VPS54: variants seen among roughly 807,000 people sequenced by gnomAD.
The protein encoded by VPS54 is vacuolar protein sorting-associated protein 54.
In VPS54, 45 loss-of-function variants were observed where a neutral mutation model predicts 121.5. The ratio of observed to expected loss-of-function variants is 0.37; its 90% CI spans 0.29 to 0.47. The LOEUF is 0.47. Among genes scored for constraint, VPS54 ranks in the 20% least tolerant of loss-of-function variants. VPS54 has a pLI of 0.99. For synonymous variants in VPS54, 371 were observed against 385.8 expected, an observed-to-expected ratio of 0.96 and a Z score of 0.45; for missense variants, 1,090 against 1,131.4, an observed-to-expected ratio of 0.96 and a Z score of 0.52.
At chr2:63,925,751 T>G (rs1673868551) in intron 12 of VPS54, among the ~76,000 whole-genome samples, 1 of 152,196 alleles carries the variant, frequency 6.6e-6, no homozygotes, top group Admixed American at 6.5e-5. Context: ...AGCAAATATA[T>G]TATTCCATTA....
Position 63,912,441 on chromosome 2 carries a change from A to G in VPS54, c.2545-16T>C. 9.3e-6 allele frequency: 15 copies of G among 1,611,998 alleles called. No individual in the cohort carries two copies. The highest frequency in any genetic ancestry group is 1.2e-5 in the Non-Finnish European group (14 of 1,178,904). On this transcript the variant is annotated splice_polypyrimidine_tract_variant and intron_variant, in intron 19 of 22. Transcript: ENST00000272322. ...CATGGTAGTCCTGCAATGAGAAATG[A>G]TAATTGTATTTTTAAGTCCCTGGGA...
intron 1 of VPS54, among the ~76,000 whole-genome samples, chr2:64,000,509 T>C (rs1411600432): frequency 6.6e-6 from 1 of 152,234 alleles, no homozygotes; most frequent in Admixed American, 6.5e-5. Context: ...TGTCTGGACT[T>C]ATCTGTACCT....
intron 1 of VPS54, among the ~76,000 whole-genome samples, chr2:63,993,107 A>G (rs1261366842): frequency 6.6e-6 from 1 of 152,206 alleles, no homozygotes; most frequent in Admixed American, 6.5e-5. Flanking sequence ...TGGATTACAC[A>G]TCGCTCAGGA....
At chr2:63,923,080 G>C (rs759902254) in intron 12 of VPS54, among the ~76,000 whole-genome samples, 1 of 152,056 alleles carries the variant, frequency 6.6e-6, no homozygotes, top group African/African-American at 2.4e-5. Context: ...TTGGAAGGCC[G>C]AGGCGGGCAG....
At chr2:63,977,228 C>A (rs1450434695) in intron 3 of VPS54, among the ~76,000 whole-genome samples, 2 of 152,180 alleles carry the variant, frequency 1.3e-5, no homozygotes, top group Non-Finnish European at 2.9e-5. Flanking sequence ...TTGCTATTGT[C>A]AATTTCCCTG....
intron 11 of VPS54, among the ~76,000 whole-genome samples, chr2:63,940,952 A>T (rs1559008340): frequency 1.3e-5 from 2 of 152,202 alleles, no homozygotes; most frequent in Non-Finnish European, 2.9e-5. Context: ...AGCACAGTGA[A>T]TCCCACTCTA....
chr2:63,954,425 T>G (rs544209346), intron 7 of VPS54, among the ~76,000 whole-genome samples: 2 of 152,268 alleles, frequency 1.3e-5, no homozygotes, highest in South Asian at 4.1e-4. Context: ...CAATTCGTTA[T>G]TTTGAAAACA....
chr2:63,899,392 CA>C, intron 21 of VPS54, 81 bp downstream of exon 21: 2 of 1,205,854 alleles, frequency 1.7e-6, no homozygotes. Flanking sequence ...GCTTAACTGC[CA>C]AAAGCATGTA....
chr2:63,954,787 T>C (rs1307339719), intron 7 of VPS54, among the ~76,000 whole-genome samples: 3 of 151,936 alleles, frequency 2.0e-5, no homozygotes, highest in Non-Finnish European at 2.9e-5. Context: ...GGTGAAAAAA[T>C]AACATGCTAA....
rs546346318 is a variant in VPS54 at position 63,985,317 on chromosome 2, T to TCAAA, written c.-20-1302_-20-1299dup. On this transcript the variant is annotated intron_variant, in intron 1 of 22. Coordinates refer to ENST00000272322, the MANE Select transcript of VPS54 (RefSeq NM_016516.3). The stretch of plus-strand genomic sequence containing the variant: ...CTGGGCAACATGGTGAGACCCCGTC[T>TCAAA]CAAACAAACAAACAATAAATAAAAA... Among the ~76,000 whole-genome samples the TCAAA allele has an allele frequency of 4.3e-3, 649 of 152,066 alleles. 8 individuals carry two copies. Among genetic ancestry groups the TCAAA allele is most frequent in the South Asian group, 0.021 (100 of 4,814 alleles).
chr2:63,905,578 C>T (rs559025803), intron 20 of VPS54, among the ~76,000 whole-genome samples: 13 of 151,524 alleles, frequency 8.6e-5, no homozygotes, highest in East Asian at 3.9e-4. Flanking sequence ...AATGGCTTTA[C>T]GGGTAAATTC....
chr2:63,995,767 G>A (rs1403985427), intron 1 of VPS54, among the ~76,000 whole-genome samples: 1 of 152,214 alleles, frequency 6.6e-6, no homozygotes, highest in Non-Finnish European at 1.5e-5. Flanking sequence ...GTATCACCCT[G>A]TATTCCTATA....
intron 19 of VPS54, 35 bp from the exon 20 acceptor site, chr2:63,912,460 C>G (rs1312293197): frequency 1.2e-6 from 2 of 1,608,846 alleles, no homozygotes; most frequent in South Asian, 2.2e-5. Context: ...TTTTTAAGTC[C>G]CTGGGACACA....
intron 7 of VPS54, 65 bp from the exon 8 acceptor site, chr2:63,949,228 A>G (rs1188448589): frequency 2.6e-6 from 4 of 1,519,782 alleles, no homozygotes; most frequent in Non-Finnish European, 3.5e-6. Flanking sequence ...CTCCACAATC[A>G]AGGGAACTAG....
At chr2:63,935,698 C>T (rs1407337244) in intron 11 of VPS54, among the ~76,000 whole-genome samples, 1 of 152,102 alleles carries the variant, frequency 6.6e-6, no homozygotes, top group Admixed American at 6.5e-5. Flanking sequence ...ACCTCCTTGC[C>T]TAATGTTTAG....
intron 6 of VPS54, among the ~76,000 whole-genome samples, chr2:63,963,441 T>C (rs1456511855): frequency 6.6e-6 from 1 of 152,132 alleles, no homozygotes; most frequent in Non-Finnish European, 1.5e-5. Context: ...ACTTTGAGAT[T>C]TTTTAACCCA....
At chr2:63,948,959 A>T (rs1172850381) in intron 8 of VPS54, 78 bp downstream of exon 8, 1 of 1,545,410 alleles carries the variant, frequency 6.5e-7, no homozygotes, top group Non-Finnish European at 8.7e-7. Context: ...TTTGATTCCT[A>T]TAATCTGAGA....
At position 63,953,257 on chromosome 2, in the gene VPS54, A is replaced by C. The variant is rs532385805; in HGVS notation, c.1011-4094T>G. Among the ~76,000 whole-genome samples, 34 of 150,396 alleles carry C rather than the reference A, an allele frequency of 2.3e-4. No individual in the cohort carries two copies. The East Asian group carries it at 6.5e-3, about 29-fold the overall frequency. On this transcript the variant is annotated intron_variant, in intron 7 of 22. Coordinates refer to ENST00000272322, the MANE Select transcript of VPS54 (RefSeq NM_016516.3). ...AGCAATTCTCGTGCCTCAGCCTCCC[A>C]AGTAGCTAGGAATACAGGTATGCAC...
At chr2:63,931,866 A>C (rs1407141084) in intron 12 of VPS54, among the ~76,000 whole-genome samples, 2 of 152,264 alleles carry the variant, frequency 1.3e-5, no homozygotes, top group African/African-American at 4.8e-5. Context: ...GACACTTCTC[A>C]AAAGAGGACA....
Sources: allele counts gnomAD v4.1 joint callset (sites outside exome capture counted in the v4.1 genomes callset), GRCh38; gene constraint gnomAD v4.1.1; transcripts MANE v1.5; gene names NCBI Gene and HGNC (gene_info 2026-07-23, HGNC 2026-07-21).